The following KIF4A variants were observed in gnomAD, a reference collection of about 807,000 sequenced individuals.
The protein encoded by KIF4A is chromosome-associated kinesin KIF4A.
KIF4A carries 7 observed loss-of-function variants against 105.9 expected under a neutral mutation model. That is an observed-to-expected ratio of 0.07 (90% CI 0.04 to 0.12). KIF4A has a LOEUF of 0.12. Among genes scored for constraint, KIF4A ranks in the 10% least tolerant of loss-of-function variants. The pLI, the probability that KIF4A is intolerant of heterozygous loss-of-function variation, is 1.00. For synonymous variants in KIF4A, 281 were observed against 331.3 expected, an observed-to-expected ratio of 0.85 and a Z score of 1.65; for missense variants, 558 against 929.2, an observed-to-expected ratio of 0.60 and a Z score of 5.19.
intron 9 of KIF4A, among the ~76,000 whole-genome samples, chrX:70,331,908 G>A (rs1392287413): frequency 8.9e-6 from 1 of 112,250 alleles, no homozygotes; most frequent in East Asian, 2.8e-4. Flanking sequence ...CTAAGCGAGA[G>A]ATAATGATGG....
intron 22 of KIF4A, among the ~76,000 whole-genome samples, chrX:70,398,455 G>A (rs995562908): frequency 9.8e-5 from 11 of 112,148 alleles, no homozygotes; most frequent in African/African-American, 3.2e-4. Context: ...GGTGAGTTTA[G>A]TTAGGAGAAT....
At chrX:70,359,126 T>G (rs1021009910) in intron 15 of KIF4A, among the ~76,000 whole-genome samples, 5 of 112,240 alleles carry the variant, frequency 4.5e-5, no homozygotes, top group Non-Finnish European at 9.4e-5. Flanking sequence ...CTTATCCAGC[T>G]GTTTTCTTCT....
Position 70,376,083 on chromosome X carries a change from G to C in KIF4A, c.1924-17G>C, listed in dbSNP as rs760198463. ...ACTGCAGATGACTAATACTTTTGCT[G>C]GTTTTTGTTTTTATAGATGATGAAA... On this transcript the variant is annotated splice_polypyrimidine_tract_variant and intron_variant, in intron 17 of 30. Transcript: ENST00000374403. The C allele has an allele frequency of 3.6e-6, 4 of 1,117,130 alleles. No homozygotes were observed. The African/African-American group carries it at 7.2e-5, about 20-fold the overall frequency. 92.1% of individuals were successfully genotyped at this position (1,117,130 alleles called of 1,213,427 possible). A position where few individuals can be genotyped will look rare whatever the true frequency, so the allele number is the denominator to read the frequency against.
intron 15 of KIF4A, among the ~76,000 whole-genome samples, chrX:70,357,171 G>A (rs1208811276): frequency 1.7e-4 from 19 of 111,011 alleles, no homozygotes; most frequent in African/African-American, 5.6e-4. Flanking sequence ...AAAATTAGCC[G>A]AGCATGGTGG....
At chrX:70,352,486 A>G in intron 13 of KIF4A, 114 bp from the exon 14 acceptor site, 1 of 429,428 alleles carries the variant, frequency 2.3e-6, no homozygotes, top group Non-Finnish European at 4.0e-6. Flanking sequence ...AAATGGGTCC[A>G]ATATCTTAAA....
intron 7 of KIF4A, among the ~76,000 whole-genome samples, chrX:70,312,033 A>G (rs2085852196): frequency 9.2e-6 from 1 of 109,247 alleles, no homozygotes; most frequent in Non-Finnish European, 1.9e-5. Context: ...AAAATTACAT[A>G]TCTAGTCAGT....
intron 7 of KIF4A, among the ~76,000 whole-genome samples, chrX:70,310,054 A>G (rs895549148): frequency 8.9e-6 from 1 of 112,171 alleles, no homozygotes; most frequent in Non-Finnish European, 1.9e-5. Context: ...AAAGCAAACA[A>G]AAAAAATTTA....
intron 7 of KIF4A, among the ~76,000 whole-genome samples, chrX:70,311,324 C>T (rs1360431575): frequency 9.0e-6 from 1 of 111,142 alleles, no homozygotes; most frequent in African/African-American, 3.3e-5. Context: ...TTAACTCTAC[C>T]TTTTTCCAAT....
intron 11 of KIF4A, among the ~76,000 whole-genome samples, chrX:70,342,381 ATTAATT>A (rs1307313003): frequency 1.8e-5 from 2 of 112,196 alleles, no homozygotes; most frequent in Non-Finnish European, 3.8e-5. Flanking sequence ...CAGCTTGGAA[ATTAATT>A]TTAATTCATT....
chrX:70,395,858 A>T (rs1489640877), intron 21 of KIF4A, 32 bp downstream of exon 21: 1 of 1,204,060 alleles, frequency 8.3e-7, no homozygotes, highest in African/African-American at 1.8e-5. Flanking sequence ...TGTTGCCAAT[A>T]ATCAGACTCT....
At chrX:70,413,950 AG>A (rs1392888447) in intron 28 of KIF4A, among the ~76,000 whole-genome samples, 1 of 110,826 alleles carries the variant, frequency 9.0e-6, no homozygotes, top group Non-Finnish European at 1.9e-5. Flanking sequence ...TAGTATCTCA[AG>A]GAACAGCTAA....
At chrX:70,375,650 A>G (rs947714357) in intron 17 of KIF4A, among the ~76,000 whole-genome samples, 2 of 111,910 alleles carry the variant, frequency 1.8e-5, no homozygotes, top group African/African-American at 6.5e-5. Flanking sequence ...ATCATGCAGC[A>G]TAATTTTGTA....
intron 15 of KIF4A, among the ~76,000 whole-genome samples, chrX:70,372,952 C>T (rs1391575971): frequency 8.9e-6 from 1 of 112,289 alleles, no homozygotes; most frequent in East Asian, 2.8e-4. Context: ...ACTCACAGGA[C>T]TCAGCATATA....
chrX:70,321,963 T>G (rs903321954), intron 7 of KIF4A, among the ~76,000 whole-genome samples: 1 of 110,503 alleles, frequency 9.0e-6, no homozygotes, highest in African/African-American at 3.3e-5. Context: ...TTCCTCTCAC[T>G]TTTCTGAAGA....
intron 18 of KIF4A, among the ~76,000 whole-genome samples, chrX:70,383,234 C>T (rs773693265): frequency 1.8e-5 from 2 of 108,493 alleles, no homozygotes; most frequent in Admixed American, 9.9e-5. Flanking sequence ...AAAAATATAA[C>T]CCAGTTTTAA....
At chrX:70,418,842 T>C (rs1286139121) in intron 29 of KIF4A, among the ~76,000 whole-genome samples, 1 of 111,650 alleles carries the variant, frequency 9.0e-6, no homozygotes, top group African/African-American at 3.3e-5. Flanking sequence ...CCTAGCACTT[T>C]GGGAGGCCGA....
At chrX:70,340,425 A>G (rs1376624494) in intron 10 of KIF4A, among the ~76,000 whole-genome samples, 2 of 112,162 alleles carry the variant, frequency 1.8e-5, no homozygotes, top group Admixed American at 9.4e-5. Context: ...TGATTTTCCC[A>G]TTTAGAGAAA....
chrX:70,404,929 A>C, intron 25 of KIF4A, 107 bp downstream of exon 25: 3 of 502,553 alleles, frequency 6.0e-6, no homozygotes, highest in Non-Finnish European at 1.0e-5. Context: ...CTACTGGAAA[A>C]AGTATTTATA....
chrX:70,360,198 A>G (rs2086069262), intron 15 of KIF4A, among the ~76,000 whole-genome samples: 1 of 111,995 alleles, frequency 8.9e-6, no homozygotes, highest in East Asian at 2.8e-4. Flanking sequence ...TTTCTTCTGT[A>G]ATTTATAAAA....
Sources: allele counts gnomAD v4.1 joint callset (sites outside exome capture counted in the v4.1 genomes callset), GRCh38; gene constraint gnomAD v4.1.1; transcripts MANE v1.5; gene names NCBI Gene and HGNC (gene_info 2026-07-23, HGNC 2026-07-21).